The following NPAS3 variants were observed in gnomAD, a reference collection of about 807,000 sequenced individuals.
NPAS3 encodes the protein neuronal PAS domain-containing protein 3.
In NPAS3, 14 loss-of-function variants were observed where a neutral mutation model predicts 73.1. That is an observed-to-expected ratio of 0.19 (90% CI 0.13 to 0.30). The LOEUF (loss-of-function observed/expected upper bound fraction) is 0.30, where lower values mean the gene tolerates loss of function less well. Ranked by LOEUF, NPAS3 falls within the 10% of genes least tolerant of loss-of-function variation. NPAS3 has a pLI of 1.00. For synonymous variants in NPAS3, 620 were observed against 541.5 expected (o/e 1.14, Z -2.01); for missense variants, 1,096 against 1,250.0 (o/e 0.88, Z 1.86).
At chr14:33,004,384 G>A (rs1048220657) in intron 1 of NPAS3, among the ~76,000 whole-genome samples, 5 of 152,156 alleles carry the variant, frequency 3.3e-5, no homozygotes, top group African/African-American at 1.2e-4. Context: ...GTAGGCAGTT[G>A]TAACACAATG....
At chr14:33,794,701 C>T (rs2063461726) in intron 10 of NPAS3, among the ~76,000 whole-genome samples, 1 of 151,214 alleles carries the variant, frequency 6.6e-6, no homozygotes, top group Non-Finnish European at 1.5e-5. Flanking sequence ...TGCAAGTGAG[C>T]CCAAGCTCAA....
At chr14:33,726,184 C>T (rs981236969) in intron 6 of NPAS3, among the ~76,000 whole-genome samples, 1 of 152,188 alleles carries the variant, frequency 6.6e-6, no homozygotes, top group African/African-American at 2.4e-5. Context: ...TCACTGTATC[C>T]TTATCCCACT....
At chr14:33,095,459 G>T (rs1369237865) in intron 2 of NPAS3, among the ~76,000 whole-genome samples, 5 of 152,112 alleles carry the variant, frequency 3.3e-5, no homozygotes, top group Non-Finnish European at 5.9e-5. Flanking sequence ...CTGGTGCGAT[G>T]AACGCCTTTT....
chr14:32,971,252 T>G (rs916326438), intron 1 of NPAS3, among the ~76,000 whole-genome samples: 1 of 151,938 alleles, frequency 6.6e-6, no homozygotes, highest in Non-Finnish European at 1.5e-5. Context: ...GCCTGGCTAA[T>G]TTTTGTATTT....
intron 4 of NPAS3, among the ~76,000 whole-genome samples, chr14:33,466,738 G>A (rs1163715134): frequency 1.3e-5 from 2 of 152,112 alleles, no homozygotes; most frequent in Non-Finnish European, 2.9e-5. Context: ...AAGAGAGGGA[G>A]GTGGAGGAGG....
chr14:33,765,231 T>A (rs1373835279), intron 7 of NPAS3, among the ~76,000 whole-genome samples: 1 of 152,070 alleles, frequency 6.6e-6, no homozygotes, highest in East Asian at 1.9e-4. Flanking sequence ...ATGCTGTGGC[T>A]AATGTATTTT....
At chr14:33,379,036 CAAAAT>C (rs557602462) in intron 4 of NPAS3, among the ~76,000 whole-genome samples, 2 of 152,178 alleles carry the variant, frequency 1.3e-5, no homozygotes, top group South Asian at 4.2e-4. Flanking sequence ...GGGACACAGT[CAAAAT>C]AAAGTCAAAA....
chr14:32,996,130 C>T (rs1003748026), intron 1 of NPAS3, among the ~76,000 whole-genome samples: 2 of 152,124 alleles, frequency 1.3e-5, no homozygotes, highest in Admixed American at 1.3e-4. Context: ...TATGTTTTAG[C>T]AAAGAGACTG....
At chr14:33,203,196 C>G (rs2046686934) in intron 2 of NPAS3, among the ~76,000 whole-genome samples, 1 of 152,180 alleles carries the variant, frequency 6.6e-6, no homozygotes, top group Non-Finnish European at 1.5e-5. Flanking sequence ...GGATTGAAGG[C>G]AAGGCATGCA....
chr14:33,497,377 G>T (rs1042448505), intron 4 of NPAS3, among the ~76,000 whole-genome samples: 1 of 151,980 alleles, frequency 6.6e-6, no homozygotes, highest in East Asian at 1.9e-4. Flanking sequence ...CCAAAAAAGG[G>T]CCCATATAGC....
chr14:33,426,415 C>G (rs908600826), intron 4 of NPAS3, among the ~76,000 whole-genome samples: 2 of 151,990 alleles, frequency 1.3e-5, no homozygotes, highest in African/African-American at 4.8e-5. Flanking sequence ...CTGGAAACCT[C>G]TGAATGTAGA....
chr14:33,569,577 G>T (rs986734639), intron 5 of NPAS3, among the ~76,000 whole-genome samples: 1 of 151,836 alleles, frequency 6.6e-6, no homozygotes, highest in Non-Finnish European at 1.5e-5. Flanking sequence ...ATTGTTTTAG[G>T]ACCCCAGGTA....
chr14:33,395,956 G>A (rs2047203937), intron 4 of NPAS3, among the ~76,000 whole-genome samples: 1 of 152,158 alleles, frequency 6.6e-6, no homozygotes, highest in South Asian at 2.1e-4. Flanking sequence ...TAGACCAGGT[G>A]CCTCCTAGTT....
chr14:33,450,358 G>A (rs1306408465), intron 4 of NPAS3, among the ~76,000 whole-genome samples: 1 of 152,154 alleles, frequency 6.6e-6, no homozygotes, highest in Non-Finnish European at 1.5e-5. Context: ...TGTATTCATT[G>A]CAGAAGCGTA....
chr14:33,699,370 G>A (rs890302849), intron 6 of NPAS3, among the ~76,000 whole-genome samples: 5 of 152,002 alleles, frequency 3.3e-5, no homozygotes, highest in Admixed American at 6.6e-5. Context: ...GTAAATTTGC[G>A]TTGGCAATAG....
intron 7 of NPAS3, among the ~76,000 whole-genome samples, chr14:33,772,441 C>T (rs544849310): frequency 1.4e-4 from 21 of 152,234 alleles, no homozygotes; most frequent in Non-Finnish European, 2.5e-4. Context: ...AGCTCCCTCC[C>T]GGTAGCCTGT....
At chr14:33,170,884 T>C (rs1340077453) in intron 2 of NPAS3, among the ~76,000 whole-genome samples, 2 of 152,238 alleles carry the variant, frequency 1.3e-5, no homozygotes, top group Non-Finnish European at 2.9e-5. Flanking sequence ...TCTTCCCATC[T>C]TCTGTTAATG....
rs558976499 is a variant in NPAS3 at position 33,770,264 on chromosome 14, C to G, written c.853-4073C>G. 3.3e-5 allele frequency among the ~76,000 whole-genome samples: 5 copies of G among 152,290 alleles called. No homozygotes were observed. The South Asian group carries it at 1.0e-3, about 32-fold the overall frequency. On this transcript the variant is annotated intron_variant, in intron 7 of 11. Coordinates refer to ENST00000356141, the Ensembl canonical transcript of NPAS3. ...GATATTCTCAGGTAGTTAGTATCAC[C>G]TCTGAAGCTTTAAAATGCAAACAAA... is the stretch of plus-strand genomic sequence containing the variant.
At chr14:33,219,171 G>A (rs565253016) in intron 3 of NPAS3, among the ~76,000 whole-genome samples, 1 of 152,298 alleles carries the variant, frequency 6.6e-6, no homozygotes, top group South Asian at 2.1e-4. Flanking sequence ...TGTGGTGACT[G>A]TTGGTAAATC....
Sources: allele counts gnomAD v4.1 joint callset (sites outside exome capture counted in the v4.1 genomes callset), GRCh38; gene constraint gnomAD v4.1.1; transcripts MANE v1.5; gene names NCBI Gene and HGNC (gene_info 2026-07-23, HGNC 2026-07-21).